Variants in HDAC9 observed in about 807,000 individuals in gnomAD.
HDAC9 encodes the protein histone deacetylase 9.
In HDAC9, 41 loss-of-function variants were observed where a neutral mutation model predicts 139.4. The ratio of observed to expected loss-of-function variants is 0.29; its 90% confidence interval spans 0.23 to 0.38. HDAC9 has a LOEUF of 0.38. Ranked by LOEUF, HDAC9 falls within the 10% of genes least tolerant of loss-of-function variation. The probability of loss-of-function intolerance (pLI) is 1.00; values close to 1 mark genes in which losing one functional copy is unlikely to be tolerated. For synonymous variants in HDAC9, 517 were observed against 476.2 expected (o/e 1.09, Z -1.12); for missense variants, 1,147 against 1,297.0 (o/e 0.88, Z 1.78).
At position 18,914,595 on chromosome 7, in the gene HDAC9, C is replaced by T. The variant is rs571279602; in HGVS notation, c.2804-21214C>T. ...TTTAACATTTATAATGGTGTTTAAACCAGGCTCACAAATTTCTGAAGATTT... is the reference window on the plus strand; with the variant it reads ...TTTAACATTTATAATGGTGTTTAAATCAGGCTCACAAATTTCTGAAGATTT... On this transcript the variant is annotated intron_variant, in intron 22 of 25. Transcript: ENST00000686413. Among the ~76,000 whole-genome samples the T allele has an allele frequency of 3.3e-4, 50 of 152,060 alleles. 1 individual carries two copies. In the South Asian group the frequency reaches 7.0e-3, roughly 21 times the overall value.
At chr7:18,808,281 A>G (rs1450551050) in intron 17 of HDAC9, 1 of 152,172 alleles carries the variant, frequency 6.6e-6, no homozygotes, top group Non-Finnish European at 1.5e-5. Flanking sequence ...TTCACATACC[A>G]ATCTTTCTAT....
intron 2 of HDAC9, among the ~76,000 whole-genome samples, chr7:18,267,306 T>C (rs1215352133): frequency 6.6e-6 from 1 of 152,126 alleles, no homozygotes; most frequent in Non-Finnish European, 1.5e-5. Context: ...CGAGAACACT[T>C]AGGAATATTT....
chr7:18,783,597 A>G (rs906032688), intron 16 of HDAC9, among the ~76,000 whole-genome samples: 22 of 151,456 alleles, frequency 1.5e-4, no homozygotes, highest in African/African-American at 5.1e-4. Flanking sequence ...GCCCTGAGAA[A>G]CCTCCTTGAA....
rs1784722057 is a variant in HDAC9 at position 18,127,151 on chromosome 7, T to A, written c.-96-35078T>A. The A allele has an allele frequency of 1.8e-5, 3 of 167,846 alleles. No individual in the cohort carries two copies. In the South Asian group the frequency reaches 6.2e-4, roughly 35 times the overall value. 10.4% of individuals were successfully genotyped at this position (167,846 alleles called of 1,614,324 possible). On this transcript the variant is annotated intron_variant, in intron 1 of 12. Transcript: ENST00000417496. ...TTAGTGTGACTTGTGAGTTTGTGCTTCTCTTCACCAGTGTCTAGATTGTCA... is the reference window on the plus strand; with the variant it reads ...TTAGTGTGACTTGTGAGTTTGTGCTACTCTTCACCAGTGTCTAGATTGTCA...
chr7:18,469,229 G>T (rs914339132), intron 1 of HDAC9, among the ~76,000 whole-genome samples: 3 of 152,098 alleles, frequency 2.0e-5, no homozygotes, highest in African/African-American at 7.2e-5. Flanking sequence ...AAAACTTTTG[G>T]CTGTGTGCTG....
At chr7:18,557,275 G>A (rs1449983452) in intron 2 of HDAC9, among the ~76,000 whole-genome samples, 1 of 151,288 alleles carries the variant, frequency 6.6e-6, no homozygotes, top group African/African-American at 2.4e-5. Flanking sequence ...GTAGGTCAAA[G>A]GAGATTCTGC....
At chr7:18,869,147 G>GT (rs1798715088) in intron 21 of HDAC9, among the ~76,000 whole-genome samples, 2 of 138,128 alleles carry the variant, frequency 1.4e-5, no homozygotes, top group Admixed American at 1.5e-4. Flanking sequence ...TCACAATTGG[G>GT]GTGTGTGTGT....
In HDAC9 at chr7:18,766,294, T is replaced by C. The variant is rs887838948; in HGVS notation, c.2165-812T>C. Among the ~76,000 whole-genome samples, 3 of 152,304 alleles carry C rather than the reference T, an allele frequency of 2.0e-5. No homozygotes were observed. In the East Asian group the frequency reaches 5.8e-4, roughly 29 times the overall value. ...CAGACAGATTTTAATGTTAAAGATG[T>C]AGGAGCAGTTACTACTGTTTTTCTC... On this transcript the variant is annotated intron_variant, in intron 15 of 25. Transcript: ENST00000686413.
intron 22 of HDAC9, among the ~76,000 whole-genome samples, chr7:18,928,217 C>G (rs556284891): frequency 1.3e-5 from 2 of 152,292 alleles, no homozygotes; most frequent in Admixed American, 6.5e-5. Context: ...ATAGAGACTT[C>G]CAATTCCATT....
chr7:18,789,343 C>G (rs575772955), intron 16 of HDAC9, among the ~76,000 whole-genome samples: 1 of 152,064 alleles, frequency 6.6e-6, no homozygotes, highest in African/African-American at 2.4e-5. Context: ...CCCTTTCTCT[C>G]TCTCACTGGG....
At chr7:18,780,026 G>A (rs377628484) in intron 16 of HDAC9, among the ~76,000 whole-genome samples, 2 of 152,036 alleles carry the variant, frequency 1.3e-5, no homozygotes, top group African/African-American at 2.4e-5. Flanking sequence ...CTCCAAAAGC[G>A]CTTTTTCAAC....
At chr7:18,608,251 G>T (rs1836082586) in intron 6 of HDAC9, among the ~76,000 whole-genome samples, 1 of 152,078 alleles carries the variant, frequency 6.6e-6, no homozygotes, top group Non-Finnish European at 1.5e-5. Context: ...ACTTTAAAAT[G>T]GAAGTGTTCT....
intron 1 of HDAC9, among the ~76,000 whole-genome samples, chr7:18,442,929 G>A (rs901588047): frequency 6.6e-6 from 1 of 152,142 alleles, no homozygotes; most frequent in Non-Finnish European, 1.5e-5. Context: ...TATATTTGGG[G>A]CTTCAACTAC....
At chr7:18,884,827 C>G (rs1020755160) in intron 22 of HDAC9, among the ~76,000 whole-genome samples, 1 of 152,158 alleles carries the variant, frequency 6.6e-6, no homozygotes, top group Admixed American at 6.6e-5. Context: ...CCTCAAACTT[C>G]AGTCCACATC....
intron 1 of HDAC9, among the ~76,000 whole-genome samples, chr7:18,345,884 T>C (rs1782376684): frequency 6.6e-6 from 1 of 152,016 alleles, no homozygotes; most frequent in African/African-American, 2.4e-5. Flanking sequence ...TTGACTCTTT[T>C]CCAACGACTC....
chr7:18,427,407 T>C (rs1790216094), intron 1 of HDAC9, among the ~76,000 whole-genome samples: 1 of 148,028 alleles, frequency 6.8e-6, no homozygotes, highest in Non-Finnish European at 1.5e-5. Flanking sequence ...CTTTTATTTC[T>C]TTATTTTTTT....
chr7:18,502,339 C>G (rs1377698154), intron 2 of HDAC9: 1 of 152,124 alleles, frequency 6.6e-6, no homozygotes, highest in Non-Finnish European at 1.5e-5. Flanking sequence ...CCTATTCTTT[C>G]ACTTGTTTTT....
At chr7:18,722,903 G>T (rs1412121952) in intron 12 of HDAC9, among the ~76,000 whole-genome samples, 1 of 152,060 alleles carries the variant, frequency 6.6e-6, no homozygotes, top group Non-Finnish European at 1.5e-5. Flanking sequence ...GTGTTTGGAA[G>T]ATTTAACTGT....
intron 2 of HDAC9, among the ~76,000 whole-genome samples, chr7:18,518,702 G>A (rs1195970797): frequency 6.6e-6 from 1 of 152,176 alleles, no homozygotes; most frequent in Non-Finnish European, 1.5e-5. Context: ...AACTGGCCCT[G>A]AGGGAACCAC....
Sources: allele counts gnomAD v4.1 joint callset (sites outside exome capture counted in the v4.1 genomes callset), GRCh38; gene constraint gnomAD v4.1.1; transcripts MANE v1.5; gene names NCBI Gene and HGNC (gene_info 2026-07-23, HGNC 2026-07-21).